The following WASF3 variants were observed in gnomAD, a reference collection of about 807,000 sequenced individuals.
The protein encoded by WASF3 is WASP family member 3.
Under a neutral mutation model 46.6 loss-of-function variants are expected in WASF3, and 11 were observed. The observed-to-expected ratio is 0.24, with a 90% CI of 0.15 to 0.39. The LOEUF (loss-of-function observed/expected upper bound fraction) is 0.39. WASF3 is among the 10% of genes least tolerant of loss of function. The pLI is 1.00. For synonymous variants in WASF3, 242 were observed against 259.7 expected, an observed-to-expected ratio of 0.93 and a Z score of 0.65; for missense variants, 576 against 669.8, an observed-to-expected ratio of 0.86 and a Z score of 1.55.
upstream of WASF3, among the ~76,000 whole-genome samples, chr13:26,553,718 G>A (rs763110556): frequency 4.0e-5 from 6 of 151,812 alleles, no homozygotes; most frequent in Non-Finnish European, 8.8e-5. Flanking sequence ...TTGGGAGGCT[G>A]AGGCAGGAGA....
intron 3 of WASF3, among the ~76,000 whole-genome samples, chr13:26,653,369 A>G (rs1882372326): frequency 6.6e-6 from 1 of 152,192 alleles, no homozygotes; most frequent in African/African-American, 2.4e-5. Flanking sequence ...TTGCTCCCAC[A>G]GCAAGATTCC....
Position 26,681,336 on chromosome 13 carries a change from T to C in WASF3, c.983+16T>C. On this transcript the variant is annotated intron_variant, in intron 8 of 9. Coordinates refer to ENST00000335327, the MANE Select transcript of WASF3 (RefSeq NM_006646.6). Reference sequence around the variant, plus strand: ...CAGACTACGGGTAACTCAGCATGCCTTGTACCCTAATCCCTCCTGGCCTTG... The same window carrying C: ...CAGACTACGGGTAACTCAGCATGCCCTGTACCCTAATCCCTCCTGGCCTTG... 6.4e-7 allele frequency: 1 copy of C among 1,556,888 alleles called. No individual in the cohort carries two copies. The highest frequency in any genetic ancestry group is 8.7e-7 in the Non-Finnish European group (1 of 1,152,450).
In WASF3 at chr13:26,618,481, G is replaced by A. The variant is rs147571528; in HGVS notation, c.-11+5423G>A. Among the ~76,000 whole-genome samples the A allele has an allele frequency of 1.7e-3, 247 of 148,262 alleles. 5 individuals carry two copies. In the East Asian group the frequency reaches 0.037, roughly 22 times the overall value. ...CTCTCGCTCTCTCTCTCTCCCCACCGTCTCCCCCACCTCCGCCCCCCCGTC... is the reference window on the plus strand; with the variant it reads ...CTCTCGCTCTCTCTCTCTCCCCACCATCTCCCCCACCTCCGCCCCCCCGTC... On this transcript the variant is annotated intron_variant, in intron 2 of 9. Transcript: ENST00000335327.
At chr13:26,624,022 C>G (rs1881389881) in intron 2 of WASF3, among the ~76,000 whole-genome samples, 1 of 152,158 alleles carries the variant, frequency 6.6e-6, no homozygotes, top group Non-Finnish European at 1.5e-5. Flanking sequence ...CATTGCTGGA[C>G]AAGAAATACT....
At chr13:26,633,122 A>G (rs941200290) in intron 2 of WASF3, among the ~76,000 whole-genome samples, 1 of 150,596 alleles carries the variant, frequency 6.6e-6, no homozygotes, top group Non-Finnish European at 1.5e-5. Context: ...TCAGAAAACC[A>G]GCTCCTGGAT....
At chr13:26,628,661 TGG>T in intron 2 of WASF3, among the ~76,000 whole-genome samples, 1 of 152,196 alleles carries the variant, frequency 6.6e-6, no homozygotes, top group Non-Finnish European at 1.5e-5. Context: ...TTCTATTCCA[TGG>T]TAACATGAGT....
intron 1 of WASF3, among the ~76,000 whole-genome samples, chr13:26,587,414 T>C (rs1880163768): frequency 6.6e-6 from 1 of 152,034 alleles, no homozygotes; most frequent in Admixed American, 6.5e-5. Flanking sequence ...CTTGGCAAGA[T>C]CATTTGTCTG....
At chr13:26,657,644 A>G (rs781084428) in intron 3 of WASF3, among the ~76,000 whole-genome samples, 1 of 152,224 alleles carries the variant, frequency 6.6e-6, no homozygotes, top group African/African-American at 2.4e-5. Flanking sequence ...TGTGGTACTA[A>G]TAAGTCCAGA....
chr13:26,560,847 A>G (rs1196748418), intron 1 of WASF3, among the ~76,000 whole-genome samples: 1 of 152,240 alleles, frequency 6.6e-6, no homozygotes. Context: ...GTTGGTTACA[A>G]TGTATTGTTT....
At chr13:26,557,463 C>A (rs950035309), upstream of WASF3, among the ~76,000 whole-genome samples, 1 of 152,142 alleles carries the variant, frequency 6.6e-6, no homozygotes, top group Non-Finnish European at 1.5e-5. Context: ...AGCCTCATCC[C>A]GAGCTGGGGG....
intron 1 of WASF3, among the ~76,000 whole-genome samples, chr13:26,559,984 A>G (rs1270288526): frequency 1.3e-5 from 2 of 151,160 alleles, no homozygotes; most frequent in African/African-American, 4.9e-5. Context: ...TGCCCGGCTA[A>G]TTTTTGTACT....
intron 1 of WASF3, among the ~76,000 whole-genome samples, chr13:26,561,875 G>C (rs73484918): frequency 0.035 from 5,331 of 152,248 alleles, 323 homozygotes; most frequent in African/African-American, 0.12. Flanking sequence ...CTGACTCCAA[G>C]GTTTGAGAGA....
the WASF3 span, among the ~76,000 whole-genome samples, chr13:26,548,015 A>G: frequency 6.6e-6 from 1 of 152,222 alleles, no homozygotes; most frequent in Non-Finnish European, 1.5e-5. Flanking sequence ...GTTTTGCTCT[A>G]TTAATATCTG....
chr13:26,646,376 GTCT>G, intron 3 of WASF3, among the ~76,000 whole-genome samples: 1 of 152,172 alleles, frequency 6.6e-6, no homozygotes, highest in Non-Finnish European at 1.5e-5. Context: ...AGTATTAAAA[GTCT>G]TCTTTTACAG....
At chr13:26,566,338 G>A (rs1018960452) in intron 1 of WASF3, among the ~76,000 whole-genome samples, 4 of 151,808 alleles carry the variant, frequency 2.6e-5, no homozygotes, top group Non-Finnish European at 4.4e-5. Context: ...TTAAATGAAT[G>A]TCTGGATTAG....
intron 6 of WASF3, among the ~76,000 whole-genome samples, chr13:26,672,599 C>T (rs1465220780): frequency 2.6e-5 from 4 of 152,088 alleles, no homozygotes; most frequent in East Asian, 1.9e-4. Flanking sequence ...GAAAATTGTT[C>T]GTTTTGGGCC....
chr13:26,676,546 C>A lies in WASF3; in HGVS notation c.541-3C>A. On this transcript the variant is annotated splice_region_variant and splice_polypyrimidine_tract_variant and intron_variant, in intron 6 of 9. Transcript: ENST00000335327. Reference sequence around the variant, plus strand: ...ATGCTCTCTTTCCTTTCCTGGACATCAGGAGCAAAAGCGTATAGATGGCAC... The same window carrying A: ...ATGCTCTCTTTCCTTTCCTGGACATAAGGAGCAAAAGCGTATAGATGGCAC... The A allele has an allele frequency of 6.2e-7, 1 of 1,612,556 alleles. No homozygotes were observed.
intron 2 of WASF3, among the ~76,000 whole-genome samples, chr13:26,635,498 C>T (rs1881791071): frequency 1.3e-5 from 2 of 152,226 alleles, no homozygotes; most frequent in African/African-American, 4.8e-5. Context: ...GTCAACTCGT[C>T]AAAGTCATTC....
At chr13:26,612,526 T>C (rs183068859) in intron 1 of WASF3, among the ~76,000 whole-genome samples, 32 of 152,370 alleles carry the variant, frequency 2.1e-4, no homozygotes, top group African/African-American at 2.4e-5. Flanking sequence ...AAGACTTTTA[T>C]TGAATTTGAA....
Sources: gnomAD v4.1 joint callset for allele counts (sites outside exome capture counted in the v4.1 genomes callset) on GRCh38, gnomAD v4.1.1 for gene constraint, MANE v1.5 for transcripts, NCBI Gene and HGNC (gene_info 2026-07-23, HGNC 2026-07-21) for gene names.